The following MYO7A variants were observed in gnomAD, a reference collection of about 807,000 sequenced individuals.
MYO7A encodes unconventional myosin-VIIa.
MYO7A carries 210 observed loss-of-function variants against 263.8 expected under a neutral mutation model. The observed-to-expected ratio is 0.80, with a 90% CI of 0.71 to 0.89. The LOEUF is 0.89. Among genes scored for constraint, MYO7A ranks in the 40% least tolerant of loss-of-function variants. The probability of loss-of-function intolerance (pLI) is 0.00; values close to 1 mark genes in which losing one functional copy is unlikely to be tolerated. For missense variants in MYO7A, 2,820 were observed against 2,968.3 expected (o/e 0.95, Z 1.16); for synonymous variants, 1,239 against 1,197.3 (o/e 1.03, Z -0.72).
intron 35 of MYO7A, 33 bp downstream of exon 35, chr11:77,199,851 T>C: frequency 1.3e-6 from 2 of 1,547,076 alleles, no homozygotes; most frequent in Non-Finnish European, 1.8e-6. Context: ...TGCCTGGCAC[T>C]GGGGGTCAGG....
chr11:77,183,263 G>A, intron 26 of MYO7A, 106 bp downstream of exon 26: 1 of 944,520 alleles, frequency 1.1e-6, no homozygotes, highest in Non-Finnish European at 1.7e-6. Context: ...AGCAGGAGTG[G>A]ACACTGTCTG....
rs772976236 is a variant in MYO7A at position 77,208,728 on chromosome 11, C to T, written c.5976C>T (p.Phe1992=). 1.8e-5 allele frequency: 28 copies of T among 1,587,558 alleles called. No individual in the cohort carries two copies. Among genetic ancestry groups the T allele is most frequent in the Non-Finnish European group, 2.3e-5 (27 of 1,166,718 alleles). ...TGCCCTCACTCACCTACCAGGTGTT[C>T]TTCATGAAGAAGCTGTGGACCACCA... ...GIVPSLTYQV[F]FMKKLWTTTV... Residue 1992 remains phenylalanine, a synonymous_variant, in exon 44 of 49, where the codon TTC becomes TTT. Transcript: ENST00000409709.
intron 41 of MYO7A, 43 bp from the exon 42 acceptor site, chr11:77,207,246 G>C: frequency 6.9e-7 from 1 of 1,457,740 alleles, no homozygotes; most frequent in Non-Finnish European, 9.5e-7. Flanking sequence ...ACCAGGTCCC[G>C]GGAAAGGCCC....
At chr11:77,173,983 G>A (rs1814196065) in intron 16 of MYO7A, among the ~76,000 whole-genome samples, 1 of 152,006 alleles carries the variant, frequency 6.6e-6, no homozygotes, top group Admixed American at 6.5e-5. Context: ...CTGGGCCTTG[G>A]CAATAGCCTC....
intron 2 of MYO7A, among the ~76,000 whole-genome samples, chr11:77,136,089 ACT>A (rs1173421295): frequency 6.6e-5 from 10 of 151,626 alleles, no homozygotes; most frequent in African/African-American, 2.2e-4. Flanking sequence ...CTAGTGACAA[ACT>A]CTCTCAGCTT....
chr11:77,160,388 G>C (rs150803277), intron 11 of MYO7A, 106 bp downstream of exon 11: 1 of 1,428,518 alleles, frequency 7.0e-7, no homozygotes, highest in Non-Finnish European at 9.3e-7. Context: ...CATCTGGGTC[G>C]CCACCCCTGC....
chr11:77,147,799 A>G lies in MYO7A; in HGVS notation c.134A>G (p.Glu45Gly), dbSNP rs1383661917. 1 of 1,609,508 alleles carries G rather than the reference A, an allele frequency of 6.2e-7. No individual in the cohort carries two copies. The highest frequency in any genetic ancestry group is 8.5e-7 in the Non-Finnish European group (1 of 1,178,690). The change falls in exon 4 of 49, where the codon GAA becomes GGA. Residue 45 changes from glutamate (E) to glycine (G), a missense_variant and splice_region_variant. Glu to Gly is a moderately conservative substitution (Grantham distance 98). Coordinates refer to ENST00000409709, the MANE Select transcript of MYO7A (RefSeq NM_000260.4). ...CGCTGACGTTCTGGCTCCCCGCAGG[A>G]ACACTGGATCTCTCCGCAGAACGCA... ...QVQVVDDEDN[E>G]HWISPQNATH...
intron 22 of MYO7A, 142 bp downstream of exon 22, chr11:77,180,623 T>C: frequency 1.5e-6 from 1 of 679,524 alleles, no homozygotes; most frequent in East Asian, 2.8e-5. Flanking sequence ...TCAGCCAGCA[T>C]TGCCTGAGCT....
intron 39 of MYO7A, 49 bp downstream of exon 39, chr11:77,204,278 A>T: frequency 6.5e-7 from 1 of 1,546,492 alleles, no homozygotes; most frequent in Non-Finnish European, 8.7e-7. Context: ...ACCTGCTGTG[A>T]CGGGCAGCTC....
chr11:77,207,367 G>C lies in MYO7A; in HGVS notation c.5821G>C (p.Glu1941Gln), dbSNP rs1248754250. The C allele has an allele frequency of 1.2e-6, 2 of 1,611,650 alleles. No individual in the cohort carries two copies. The highest frequency in any genetic ancestry group is 2.7e-5 in the African/African-American group (2 of 74,906). ...IATRLLLKSS[E>Q]GFSLFVKIAD... ...CACCAGGCTGCTCCTCAAGTCCTCA[G>C]AGGGATTCAGCCTCTTTGTCAAAAT... The change falls in exon 42 of 49, where the codon GAG (glutamate) becomes CAG (glutamine). Residue 1941 changes from glutamate (E) to glutamine (Q), a missense_variant. Glu to Gln is a conservative substitution (Grantham distance 29, BLOSUM62 2). Coordinates refer to ENST00000409709, the MANE Select transcript of MYO7A (RefSeq NM_000260.4).
In MYO7A at chr11:77,185,286, A is replaced by T. The variant is rs142600348; in HGVS notation, c.3503+571A>T. 1.2e-3 allele frequency among the ~76,000 whole-genome samples: 189 copies of T among 152,350 alleles called. 1 individual carries two copies. The highest frequency in any genetic ancestry group is 1.8e-3 in the Non-Finnish European group (121 of 68,044). On this transcript the variant is annotated intron_variant, in intron 27 of 48. Transcript: ENST00000409709. ...ACACAAAATTTCTCTGTAGCATGCA[A>T]TGCTGTTTGACAGCATTTTACCCAC...
chr11:77,203,965 G>A lies in MYO7A; in HGVS notation c.5327-111G>A, dbSNP rs576442453. 29 of 1,237,826 alleles carry A rather than the reference G, an allele frequency of 2.3e-5. No homozygotes were observed. The South Asian group carries it at 4.3e-4, about 19-fold the overall frequency. The allele number at this position is 1,237,826 out of a possible 1,614,324, so 76.7% of individuals were successfully genotyped here. A position where few individuals can be genotyped will look rare whatever the true frequency, so the allele number is the denominator to read the frequency against. On this transcript the variant is annotated intron_variant, in intron 38 of 48. Coordinates refer to ENST00000409709, the MANE Select transcript of MYO7A (RefSeq NM_000260.4). ...CCCATTTTGTGAGTGTGCAGCCTGAGGGCCCAGGGTCACAGCTTCAGGTGA... is the reference window on the plus strand; with the variant it reads ...CCCATTTTGTGAGTGTGCAGCCTGAAGGCCCAGGGTCACAGCTTCAGGTGA...
intron 2 of MYO7A, among the ~76,000 whole-genome samples, chr11:77,131,052 G>A (rs894127999): frequency 7.9e-5 from 12 of 152,136 alleles, no homozygotes; most frequent in Admixed American, 1.3e-4. Context: ...ACTGGAGGGC[G>A]GGGGGTGACA....
chr11:77,202,976 G>C, intron 37 of MYO7A, 84 bp from the exon 38 acceptor site: 1 of 1,472,954 alleles, frequency 6.8e-7, no homozygotes, highest in Non-Finnish European at 9.1e-7. Flanking sequence ...AGGGATGGGT[G>C]GGGGTGGGGG....
Position 77,190,708 on chromosome 11 carries a change from C to A in MYO7A, c.3762C>A (p.Ser1254=). ...TGGGGCACTTCCAGGCCACCAAGTCCAAGAAGCCAATCATGTTGCCCGTGA... is the reference window on the plus strand; with the variant it reads ...TGGGGCACTTCCAGGCCACCAAGTCAAAGAAGCCAATCATGTTGCCCGTGA... The part of the protein sequence containing the change: ...PSWLELQATK[S]KKPIMLPVTF... The change falls in exon 30 of 49, where the codon TCC becomes TCA. Residue 1254 remains serine (S), a synonymous_variant. Coordinates refer to ENST00000409709, the MANE Select transcript of MYO7A (RefSeq NM_000260.4). 6.3e-7 allele frequency: 1 copy of A among 1,593,772 alleles called. No individual in the cohort carries two copies. Among genetic ancestry groups the A allele is most frequent in the Non-Finnish European group, 8.5e-7 (1 of 1,170,944 alleles).
At chr11:77,164,119 TC>T (rs1953301749) in intron 14 of MYO7A, among the ~76,000 whole-genome samples, 1 of 152,180 alleles carries the variant, frequency 6.6e-6, no homozygotes, top group Admixed American at 6.5e-5. Flanking sequence ...CATCTTCTTT[TC>T]CCCTGGGGAC....
At chr11:77,198,649 CAGACAG>C in intron 34 of MYO7A, 28 bp downstream of exon 34, 1 of 1,612,828 alleles carries the variant, frequency 6.2e-7, no homozygotes, top group Non-Finnish European at 8.5e-7. Flanking sequence ...GAGATGCAGA[CAGACAG>C]AGGGGAAGGA....
At chr11:77,144,697 C>T (rs968670108) in intron 3 of MYO7A, among the ~76,000 whole-genome samples, 4 of 152,154 alleles carry the variant, frequency 2.6e-5, no homozygotes, top group African/African-American at 9.7e-5. Context: ...ACAGGCCAGT[C>T]CCATCTGGTT....
intron 28 of MYO7A, among the ~76,000 whole-genome samples, chr11:77,189,740 TG>T (rs1955899683): frequency 6.6e-6 from 1 of 152,198 alleles, no homozygotes; most frequent in Non-Finnish European, 1.5e-5. Flanking sequence ...GGGCAGGCCC[TG>T]GGCGCTGGGG....
Sources: gnomAD v4.1 joint callset for allele counts (sites outside exome capture counted in the v4.1 genomes callset) on GRCh38, gnomAD v4.1.1 for gene constraint, MANE v1.5 for transcripts, NCBI Gene and HGNC (gene_info 2026-07-23, HGNC 2026-07-21) for gene names.